Variants in SPAG9 observed in about 807,000 individuals in gnomAD.
SPAG9 encodes sperm associated antigen 9.
A neutral mutation model predicts 166.5 loss-of-function variants in SPAG9; 35 were observed. That is an observed-to-expected ratio of 0.21 (90% CI 0.16 to 0.28). The LOEUF is 0.28. SPAG9 is among the 10% of genes least tolerant of loss of function. The probability of loss-of-function intolerance (pLI) is 1.00; values close to 1 mark genes in which losing one functional copy is unlikely to be tolerated. For synonymous variants in SPAG9, 534 were observed against 565.5 expected (o/e 0.94, Z 0.79); for missense variants, 1,235 against 1,603.3 (o/e 0.77, Z 3.92).
At chr17:51,113,634 C>T (rs1478649681) in intron 1 of SPAG9, among the ~76,000 whole-genome samples, 3 of 146,618 alleles carry the variant, frequency 2.0e-5, no homozygotes, top group Non-Finnish European at 4.5e-5. Flanking sequence ...GAGCCAAGAT[C>T]GCGCTACTGC....
chr17:50,979,688 A>G (rs1974453933), intron 26 of SPAG9, 58 bp downstream of exon 26: 3 of 1,510,488 alleles, frequency 2.0e-6, no homozygotes. Context: ...AAACACATAG[A>G]TAGATAAAAT....
At chr17:51,064,727 G>C (rs1205501449) in intron 2 of SPAG9, among the ~76,000 whole-genome samples, 3 of 152,164 alleles carry the variant, frequency 2.0e-5, no homozygotes, top group African/African-American at 7.2e-5. Context: ...AGGTATGAGG[G>C]GGTGGTTCTT....
chr17:50,997,066 G>C (rs1279472699), intron 15 of SPAG9, among the ~76,000 whole-genome samples: 1 of 152,196 alleles, frequency 6.6e-6, no homozygotes, highest in Admixed American at 6.5e-5. Flanking sequence ...TTTGAACCCG[G>C]TGGAGGTTGC....
intron 1 of SPAG9, among the ~76,000 whole-genome samples, chr17:51,100,654 C>T (rs938263447): frequency 1.3e-5 from 2 of 152,142 alleles, no homozygotes; most frequent in Non-Finnish European, 2.9e-5. Flanking sequence ...GGTGCAGTGG[C>T]TCACATCTGT....
rs1568083748 is a variant in SPAG9 at position 51,095,958 on chromosome 17, G to GATATATATATAGTGATAT, written c.304-16255_304-16254insATATCACTATATATATAT. On this transcript the variant is annotated intron_variant, in intron 1 of 29. Transcript: ENST00000262013. ...ATAGTGATATAGTTATATATATAGT[G>GATATATATATAGTGATAT]ATATATATATATAGTGATATATATA... Among the ~76,000 whole-genome samples the GATATATATATAGTGATAT allele has an allele frequency of 2.8e-4, 28 of 99,242 alleles. 2 individuals carry two copies. Among genetic ancestry groups the GATATATATATAGTGATAT allele is most frequent in the African/African-American group, 1.4e-3 (26 of 18,004 alleles). 65.1% of individuals were successfully genotyped at this position (99,242 alleles called of 152,430 possible).
chr17:51,109,637 T>C (rs1430828605), intron 1 of SPAG9, among the ~76,000 whole-genome samples: 1 of 152,218 alleles, frequency 6.6e-6, no homozygotes, highest in Non-Finnish European at 1.5e-5. Context: ...TAGTTAGCTA[T>C]ATAATAACTG....
At chr17:51,113,400 C>T (rs182308313) in intron 1 of SPAG9, among the ~76,000 whole-genome samples, 56 of 150,862 alleles carry the variant, frequency 3.7e-4, no homozygotes, top group Non-Finnish European at 6.9e-4. Flanking sequence ...AATAGGTTGG[C>T]CGGGCACAGT....
chr17:50,989,258 T>A (rs1040993715), intron 21 of SPAG9, among the ~76,000 whole-genome samples: 8 of 152,206 alleles, frequency 5.3e-5, no homozygotes, highest in African/African-American at 1.7e-4. Context: ...CAGTATTCAG[T>A]ACAGTAACAT....
intron 6 of SPAG9, among the ~76,000 whole-genome samples, chr17:51,027,514 C>T (rs913787313): frequency 1.3e-5 from 2 of 151,060 alleles, no homozygotes; most frequent in Admixed American, 6.6e-5. Context: ...TAAGATAATA[C>T]GATCATGTGC....
At chr17:51,091,815 T>TA (rs572412313) in intron 1 of SPAG9, among the ~76,000 whole-genome samples, 11,042 of 143,304 alleles carry the variant, frequency 0.077, 407 homozygotes, top group Non-Finnish European at 0.093. Flanking sequence ...TAGACACCGT[T>TA]AAAAAAAAAA....
Position 51,011,708 on chromosome 17 carries a change from G to A in SPAG9, c.1213+2524C>T, listed in dbSNP as rs2045492445. 4.0e-5 allele frequency among the ~76,000 whole-genome samples: 6 copies of A among 151,842 alleles called. No individual in the cohort carries two copies. In the South Asian group the frequency reaches 1.2e-3, roughly 32 times the overall value. On this transcript the variant is annotated intron_variant, in intron 9 of 29. Transcript: ENST00000262013. ...AGGAACATTTTTATTTACCATCTTT[G>A]ACCAAAAATATTCATAAGTAACTAA...
chr17:50,964,755 CTTG>C lies in SPAG9; in HGVS notation c.*1514_*1516del. 1 of 452,494 alleles carries C rather than the reference CTTG, an allele frequency of 2.2e-6. No homozygotes were observed. Among genetic ancestry groups the C allele is most frequent in the South Asian group, 1.6e-5 (1 of 63,980 alleles). 28.0% of individuals were successfully genotyped at this position (452,494 alleles called of 1,614,324 possible). ...AATCCAGACTTTAATCTATTTTTTG[CTTG>C]TTTGTCTGTTTTGAGACAGGGTCTT... On this transcript the variant is annotated 3_prime_UTR_variant, in exon 30 of 30. Transcript: ENST00000262013.
intron 1 of SPAG9, among the ~76,000 whole-genome samples, chr17:51,080,507 T>C (rs1293458481): frequency 6.6e-6 from 1 of 152,150 alleles, no homozygotes; most frequent in East Asian, 1.9e-4. Flanking sequence ...TGACAACTTC[T>C]GAATTTCTAT....
chr17:51,092,452 A>G (rs2144694334), intron 1 of SPAG9, among the ~76,000 whole-genome samples: 2 of 152,330 alleles, frequency 1.3e-5, no homozygotes, highest in African/African-American at 4.8e-5. Flanking sequence ...AACTACATTT[A>G]AGAGACAATT....
intron 4 of SPAG9, chr17:51,046,810 C>A (rs547398518): frequency 6.5e-7 from 1 of 1,533,904 alleles, no homozygotes; most frequent in Non-Finnish European, 8.7e-7. Context: ...TGCAGCAGCT[C>A]CCAAGCGATG....
At chr17:51,107,327 C>T (rs2144762452) in intron 1 of SPAG9, among the ~76,000 whole-genome samples, 1 of 151,574 alleles carries the variant, frequency 6.6e-6, no homozygotes, top group South Asian at 2.1e-4. Context: ...GGCGGCAGAT[C>T]ATTTGAGGCC....
At position 50,965,858 on chromosome 17, in the gene SPAG9, A is replaced by T. The variant is rs1312793789; in HGVS notation, c.*414T>A. ...TGTCAATTTTACAATACACTGGGGA[A>T]AACTCAGCTATTGTATTTAACGGTA... On this transcript the variant is annotated 3_prime_UTR_variant, in exon 30 of 30. Coordinates refer to ENST00000262013, the MANE Select transcript of SPAG9 (RefSeq NM_001130528.3). 1 of 167,396 alleles carries T rather than the reference A, an allele frequency of 6.0e-6. No homozygotes were observed. The highest frequency in any genetic ancestry group is 2.4e-5 in the African/African-American group (1 of 42,078). 10.4% of individuals were successfully genotyped at this position (167,396 alleles called of 1,614,324 possible). A position where few individuals can be genotyped will look rare whatever the true frequency, so the allele number is the denominator to read the frequency against.
chr17:51,048,446 C>CT (rs919881596), intron 3 of SPAG9, among the ~76,000 whole-genome samples: 43 of 143,362 alleles, frequency 3.0e-4, no homozygotes, highest in Admixed American at 3.5e-4. Context: ...TACTTGAATT[C>CT]TTTTTTTTTT....
chr17:51,108,793 G>C (rs961970326), intron 1 of SPAG9, among the ~76,000 whole-genome samples: 1 of 151,912 alleles, frequency 6.6e-6, no homozygotes, highest in East Asian at 1.9e-4. Flanking sequence ...CACTGTGCCT[G>C]GTCCATAATA....
Sources: allele counts gnomAD v4.1 joint callset (sites outside exome capture counted in the v4.1 genomes callset), GRCh38; gene constraint gnomAD v4.1.1; transcripts MANE v1.5; gene names NCBI Gene and HGNC (gene_info 2026-07-23, HGNC 2026-07-21).